LRRC49: variants seen among roughly 807,000 people sequenced by gnomAD.
LRRC49 encodes the protein leucine-rich repeat-containing protein 49.
Under a neutral mutation model 83.3 loss-of-function variants are expected in LRRC49, and 50 were observed. That is an observed-to-expected ratio of 0.60 (90% CI 0.48 to 0.76). LRRC49 has a LOEUF of 0.76. Ranked by LOEUF, LRRC49 falls within the 30% of genes least tolerant of loss-of-function variation. LRRC49 has a pLI of 0.00. For missense variants in LRRC49, 704 were observed against 809.1 expected (o/e 0.87, Z 1.58); for synonymous variants, 286 against 283.3 (o/e 1.01, Z -0.10).
At chr15:71,045,543 T>G (rs2039829425) in intron 15 of LRRC49, among the ~76,000 whole-genome samples, 1 of 152,194 alleles carries the variant, frequency 6.6e-6, no homozygotes. Context: ...CATTTAGAGG[T>G]AAAACTTATA....
chr15:71,004,234 T>C (rs1352134574), intron 11 of LRRC49, among the ~76,000 whole-genome samples: 1 of 152,156 alleles, frequency 6.6e-6, no homozygotes, highest in Admixed American at 6.5e-5. Flanking sequence ...GTTCCAGCCA[T>C]AGAAATATTG....
chr15:70,963,685 T>G, intron 8 of LRRC49, 100 bp from the exon 9 acceptor site: 1 of 1,354,532 alleles, frequency 7.4e-7, no homozygotes, highest in Non-Finnish European at 1.0e-6. Context: ...TTCTCAATTT[T>G]TCTGTAAATC....
rs566750065 is a variant in LRRC49 at position 70,949,135 on chromosome 15, A to G, written c.773+12313A>G. On this transcript the variant is annotated intron_variant, in intron 8 of 15. Coordinates refer to ENST00000260382, the MANE Select transcript of LRRC49 (RefSeq NM_017691.5). Reference sequence around the variant, plus strand: ...AGAGGCCATTATTAACTTGTGGGCCATACAAAAACAGGTGATAGAGCATAT... The same window carrying G: ...AGAGGCCATTATTAACTTGTGGGCCGTACAAAAACAGGTGATAGAGCATAT... 8.9e-4 allele frequency among the ~76,000 whole-genome samples: 136 copies of G among 152,326 alleles called. 1 individual carries two copies. The highest frequency in any genetic ancestry group is 3.1e-3 in the African/African-American group (130 of 41,576).
chr15:70,956,256 T>C (rs1338475742), intron 8 of LRRC49, among the ~76,000 whole-genome samples: 1 of 152,214 alleles, frequency 6.6e-6, no homozygotes, highest in East Asian at 1.9e-4. Context: ...GACTAAAATA[T>C]TTTCTTTTCC....
intron 2 of LRRC49, among the ~76,000 whole-genome samples, chr15:70,879,631 G>A (rs1432510770): frequency 5.9e-5 from 9 of 152,078 alleles, no homozygotes; most frequent in Admixed American, 5.2e-4. Context: ...GATTTGGGTG[G>A]AGTTTATGAG....
At chr15:70,864,803 T>C (rs919636471) in intron 1 of LRRC49, among the ~76,000 whole-genome samples, 1 of 152,142 alleles carries the variant, frequency 6.6e-6, no homozygotes, top group Non-Finnish European at 1.5e-5. Context: ...TCAGTTTCAG[T>C]TTGGGTTCTT....
chr15:70,956,157 AT>A (rs1362433703), intron 8 of LRRC49, among the ~76,000 whole-genome samples: 1 of 152,188 alleles, frequency 6.6e-6, no homozygotes, highest in African/African-American at 2.4e-5. Flanking sequence ...ATATTTAGGA[AT>A]TGTTAGTTAA....
intron 13 of LRRC49, among the ~76,000 whole-genome samples, chr15:71,011,324 C>T (rs142939258): frequency 6.6e-6 from 1 of 152,072 alleles, no homozygotes; most frequent in East Asian, 1.9e-4. Flanking sequence ...CACACCGTTA[C>T]CTCAGTTAAC....
chr15:70,962,413 TGA>T (rs1366621449), intron 8 of LRRC49, among the ~76,000 whole-genome samples: 1 of 152,170 alleles, frequency 6.6e-6, no homozygotes, highest in Non-Finnish European at 1.5e-5. Flanking sequence ...CTGTGTCAGC[TGA>T]GAGGGACTAA....
At chr15:70,971,239 C>A (rs1051573248) in intron 9 of LRRC49, among the ~76,000 whole-genome samples, 1 of 151,998 alleles carries the variant, frequency 6.6e-6, no homozygotes, top group Non-Finnish European at 1.5e-5. Flanking sequence ...CATTATTTAC[C>A]CAGTAGTCAT....
chr15:71,005,722 C>T (rs2038433156), intron 11 of LRRC49, among the ~76,000 whole-genome samples: 1 of 151,924 alleles, frequency 6.6e-6, no homozygotes, highest in Admixed American at 6.6e-5. Context: ...ATTCTTAGCA[C>T]AGTGTTTTGT....
At chr15:70,900,640 G>A in intron 3 of LRRC49, 1 of 476,174 alleles carries the variant, frequency 2.1e-6, no homozygotes, top group Non-Finnish European at 4.1e-6. Context: ...AAGGAGTCAG[G>A]ATTACAAAGG....
intron 8 of LRRC49, among the ~76,000 whole-genome samples, chr15:70,949,965 A>C (rs548026110): frequency 2.0e-5 from 3 of 151,680 alleles, no homozygotes; most frequent in African/African-American, 4.8e-5. Context: ...CCTTCCCCTC[A>C]CCCTCCCCCA....
chr15:71,016,385 T>C (rs552403000), intron 14 of LRRC49, among the ~76,000 whole-genome samples: 1 of 152,122 alleles, frequency 6.6e-6, no homozygotes, highest in African/African-American at 2.4e-5. Context: ...GACAGGAAAT[T>C]ATACATCTTT....
Position 71,037,198 on chromosome 15 carries a change from C to T in LRRC49, c.1723C>T (p.Leu575=), listed in dbSNP as rs1200181374. The T allele has an allele frequency of 1.9e-6, 3 of 1,608,192 alleles. No individual in the cohort carries two copies. In the African/African-American group the frequency reaches 4.0e-5, roughly 22 times the overall value. The change falls in exon 15 of 16, where the codon CTA becomes TTA. Residue 575 remains leucine (L), a synonymous_variant. Transcript: ENST00000260382. ...CTACAGGAAAAAGCAATTTCGGTAT[C>T]TACTAGAATCCAAAGGAAAAAAACC... The part of the protein sequence containing the change: ...GDARKKQFRY[L]LESKGKKPGI...
exon 2 of LRRC49, chr15:70,873,068 A>G (rs1299664618): frequency 7.5e-6 from 5 of 669,854 alleles, no homozygotes; most frequent in Non-Finnish European, 1.1e-5. Flanking sequence ...TATTTTTAGT[A>G]GAGGCGGGGT....
At position 70,904,824 on chromosome 15, in the gene LRRC49, G is replaced by A. The variant is rs1249081574; in HGVS notation, c.500+69G>A. On this transcript the variant is annotated intron_variant, in intron 5 of 15. Transcript: ENST00000260382. ...GGATTAATGTGGAGATGACAACTTA[G>A]AATTGAATAATACTTAAGAAATGAA... 3.5e-6 allele frequency: 4 copies of A among 1,158,976 alleles called. No individual in the cohort carries two copies. The African/African-American group carries it at 6.2e-5, about 18-fold the overall frequency. 71.8% of individuals were successfully genotyped at this position (1,158,976 alleles called of 1,614,324 possible). A position where few individuals can be genotyped will look rare whatever the true frequency, so the allele number is the denominator to read the frequency against.
At chr15:70,998,134 C>T (rs2038136811) in intron 11 of LRRC49, among the ~76,000 whole-genome samples, 1 of 152,120 alleles carries the variant, frequency 6.6e-6, no homozygotes, top group Non-Finnish European at 1.5e-5. Flanking sequence ...GAAATTACGT[C>T]TTTAAACATT....
chr15:70,974,238 A>G (rs1239536014), intron 9 of LRRC49, among the ~76,000 whole-genome samples: 1 of 152,252 alleles, frequency 6.6e-6, no homozygotes, highest in African/African-American at 2.4e-5. Flanking sequence ...GAAAAGAATT[A>G]GTTTCCTGAC....
Sources: allele counts gnomAD v4.1 joint callset (sites outside exome capture counted in the v4.1 genomes callset), GRCh38; gene constraint gnomAD v4.1.1; transcripts MANE v1.5; gene names NCBI Gene and HGNC (gene_info 2026-07-23, HGNC 2026-07-21).